The following HNRNPM variants were observed in gnomAD, a reference collection of about 807,000 sequenced individuals.
HNRNPM encodes the protein heterogeneous nuclear ribonucleoprotein M, also known as CEA receptor.
Under a neutral mutation model 73.1 loss-of-function variants are expected in HNRNPM, and 11 were observed. That is an observed-to-expected ratio of 0.15 (90% confidence interval 0.09 to 0.25). The LOEUF is 0.25. HNRNPM is among the 10% of genes least tolerant of loss of function. HNRNPM has a pLI of 1.00. For missense variants in HNRNPM, 789 were observed against 1,067.9 expected (o/e 0.74, Z 3.64); for synonymous variants, 407 against 355.2 (o/e 1.15, Z -1.64).
intron 12 of HNRNPM, among the ~76,000 whole-genome samples, chr19:8,478,253 G>T (rs1361570836): frequency 6.6e-6 from 1 of 152,316 alleles, no homozygotes; most frequent in Admixed American, 6.5e-5. Flanking sequence ...TTTAGGGAAT[G>T]AAGAATGAAT....
chr19:8,455,634 A>G, intron 2 of HNRNPM, 60 bp downstream of exon 2: 1 of 1,428,758 alleles, frequency 7.0e-7, no homozygotes, highest in Admixed American at 1.9e-5. Context: ...TTCTGTGGCT[A>G]ATTCCTTGGT....
chr19:8,479,102 T>TC (rs1555707127), intron 12 of HNRNPM, among the ~76,000 whole-genome samples: 2 of 143,984 alleles, frequency 1.4e-5, no homozygotes, highest in African/African-American at 2.7e-5. Context: ...TTTTTTTTTT[T>TC]CAAGACAGAG....
chr19:8,478,926 G>T (rs1165317803), intron 12 of HNRNPM, among the ~76,000 whole-genome samples: 1 of 152,124 alleles, frequency 6.6e-6, no homozygotes, highest in Non-Finnish European at 1.5e-5. Flanking sequence ...TTGTGCACTT[G>T]CTGATGCCTT....
At chr19:8,486,873 C>T (rs944681115) in intron 14 of HNRNPM, 151 bp from the exon 15 acceptor site, 2 of 722,310 alleles carry the variant, frequency 2.8e-6, no homozygotes, top group Admixed American at 1.9e-5. Flanking sequence ...CCACATGTAT[C>T]TATTAGTTTC....
At chr19:8,460,036 A>G (rs1969295042) in intron 2 of HNRNPM, among the ~76,000 whole-genome samples, 1 of 152,100 alleles carries the variant, frequency 6.6e-6, no homozygotes, top group Admixed American at 6.6e-5. Context: ...TTTTTTATTA[A>G]TAACTGTGAG....
intron 1 of HNRNPM, among the ~76,000 whole-genome samples, chr19:8,450,703 AT>A (rs1341828590): frequency 7.3e-5 from 10 of 137,808 alleles, no homozygotes; most frequent in South Asian, 2.4e-4. Context: ...TTTTAATTTA[AT>A]TTAATTAATT....
intron 12 of HNRNPM, 51 bp downstream of exon 12, chr19:8,474,295 C>G (rs963748471): frequency 5.1e-6 from 7 of 1,373,984 alleles, no homozygotes; most frequent in African/African-American, 3.0e-5. Context: ...CCGGCTGTTG[C>G]CTCTCAGGTG....
chr19:8,470,470 C>A (rs1386697097), intron 9 of HNRNPM, among the ~76,000 whole-genome samples: 1 of 151,992 alleles, frequency 6.6e-6, no homozygotes, highest in East Asian at 1.9e-4. Flanking sequence ...CGATTACAGG[C>A]ATGTGCCACC....
chr19:8,460,906 T>C (rs1197310833), intron 2 of HNRNPM, among the ~76,000 whole-genome samples: 2 of 152,252 alleles, frequency 1.3e-5, no homozygotes, highest in Non-Finnish European at 2.9e-5. Context: ...CTGCTGCTCT[T>C]GAAACAAATG....
At chr19:8,445,237 C>G (rs939586859) in intron 1 of HNRNPM, 126 bp downstream of exon 1, 2 of 850,168 alleles carry the variant, frequency 2.4e-6, no homozygotes, top group Non-Finnish European at 3.3e-6. Context: ...GTTCCCGTAC[C>G]GCCTGCTCAG....
intron 12 of HNRNPM, among the ~76,000 whole-genome samples, chr19:8,475,888 C>T (rs569376135): frequency 8.3e-5 from 12 of 143,936 alleles, no homozygotes; most frequent in African/African-American, 2.8e-4. Context: ...GGCAACACTG[C>T]GAAACCCCAT....
At chr19:8,477,305 T>C (rs1970578575) in intron 12 of HNRNPM, among the ~76,000 whole-genome samples, 1 of 152,150 alleles carries the variant, frequency 6.6e-6, no homozygotes, top group Non-Finnish European at 1.5e-5. Flanking sequence ...GAAAGGCTTA[T>C]CAAGCAAGTG....
intron 9 of HNRNPM, among the ~76,000 whole-genome samples, chr19:8,470,226 T>C (rs1343361413): frequency 1.3e-5 from 2 of 152,246 alleles, no homozygotes; most frequent in African/African-American, 4.8e-5. Flanking sequence ...GCTGTTGCTA[T>C]GCAATTAAAG....
rs780563281 is a variant in HNRNPM, at chr19:8,471,351, G to T, written c.921G>T (p.Gly307=). Reference sequence around the variant, plus strand: ...ATGGCCTTGGTGGTATTGGCATGGGGTTAGGACCAGGAGGGCAACCCATTG... The same window carrying T: ...ATGGCCTTGGTGGTATTGGCATGGGTTTAGGACCAGGAGGGCAACCCATTG... ...LPHGLGGIGM[G]LGPGGQPIDA... Residue 307 remains glycine, a synonymous_variant, in exon 10 of 16, where the codon GGG becomes GGT. Transcript: ENST00000325495. 1 of 1,603,412 alleles carries T rather than the reference G, an allele frequency of 6.2e-7. No individual in the cohort carries two copies. Among genetic ancestry groups the T allele is most frequent in the South Asian group, 1.1e-5 (1 of 89,400 alleles).
intron 2 of HNRNPM, 113 bp downstream of exon 2, chr19:8,455,687 T>G: frequency 1.3e-6 from 1 of 762,376 alleles, no homozygotes; most frequent in South Asian, 1.9e-5. Flanking sequence ...AGCATGTTCT[T>G]TCCAGGCTTA....
At chr19:8,445,240 C>T (rs1968052650) in intron 1 of HNRNPM, 129 bp downstream of exon 1, 1 of 829,096 alleles carries the variant, frequency 1.2e-6, no homozygotes. Flanking sequence ...CCCGTACCGC[C>T]TGCTCAGGGT....
intron 12 of HNRNPM, among the ~76,000 whole-genome samples, chr19:8,476,914 A>G (rs984299773): frequency 3.4e-5 from 4 of 117,892 alleles, no homozygotes; most frequent in Admixed American, 1.3e-4. Flanking sequence ...GGGCTCTGCT[A>G]TCCAGCAGAT....
At chr19:8,456,482 G>A (rs577217343) in intron 2 of HNRNPM, among the ~76,000 whole-genome samples, 1 of 152,310 alleles carries the variant, frequency 6.6e-6, no homozygotes, top group African/African-American at 2.4e-5. Context: ...CCCGCACCCC[G>A]ACCTAGACTC....
chr19:8,479,260 T>C (rs1970739187), intron 12 of HNRNPM, among the ~76,000 whole-genome samples: 2 of 152,024 alleles, frequency 1.3e-5, no homozygotes, highest in East Asian at 1.9e-4. Flanking sequence ...CTTGTATTTT[T>C]AATGAGATAG....
Sources: gnomAD v4.1 joint callset for allele counts (sites outside exome capture counted in the v4.1 genomes callset) on GRCh38, gnomAD v4.1.1 for gene constraint, MANE v1.5 for transcripts, NCBI Gene and HGNC (gene_info 2026-07-23, HGNC 2026-07-21) for gene names.